SLC22A14: variants seen among roughly 807,000 people sequenced by gnomAD.
The protein encoded by SLC22A14 is organic cation transporter-like 4.
A neutral mutation model predicts 53.9 loss-of-function variants in SLC22A14; 50 were observed. That is an observed-to-expected ratio of 0.93 (90% CI 0.74 to 1.17). The LOEUF is 1.17. Among genes scored for constraint, SLC22A14 ranks in the 50% most tolerant of loss-of-function variants. The pLI, the probability that SLC22A14 is intolerant of heterozygous loss-of-function variation, is 0.00. For missense variants in SLC22A14, 671 were observed against 734.7 expected, an observed-to-expected ratio of 0.91 and a Z score of 1.00; for synonymous variants, 312 against 303.0, an observed-to-expected ratio of 1.03 and a Z score of -0.31.
intron 1 of SLC22A14, among the ~76,000 whole-genome samples, chr3:38,295,802 G>C (rs1296384104): frequency 4.1e-5 from 6 of 147,286 alleles, no homozygotes; most frequent in African/African-American, 1.3e-4. Context: ...CTCTCTGTCT[G>C]TCTCTCTCTC....
rs1411102032 is a variant in SLC22A14 at position 38,307,466 on chromosome 3, A to C, written c.621-100A>C. The C allele has an allele frequency of 1.7e-5, 26 of 1,556,994 alleles. No homozygotes were observed. The South Asian group carries it at 2.5e-4, about 15-fold the overall frequency. On this transcript the variant is annotated intron_variant, in intron 3 of 10. Transcript: ENST00000448498. The surrounding 1 kb of genome is among the most constrained non-coding windows in gnomAD (Gnocchi z 4.4). ...AGGGAGGTGAGGGTAGGGGTTCTCC[A>C]GGGACCCATGGATGGCTCAGGGCCT... is the stretch of plus-strand genomic sequence containing the variant.
Position 38,308,983 on chromosome 3 carries a change from G to T in SLC22A14, c.805G>T (p.Ala269Ser). Residue 269 changes from alanine (A) to serine (S), a missense_variant, in exon 5 of 11, where the codon GCC becomes TCC. Ala to Ser is a moderately conservative substitution (Grantham distance 99). Coordinates refer to ENST00000448498, the MANE Select transcript of SLC22A14 (RefSeq NM_001320033.2). ...TGAGTGGTTAGTGGGTGAGCACCGGGCCCATGCCATTATCCTGGGACACTG... is the reference window on the plus strand; with the variant it reads ...TGAGTGGTTAGTGGGTGAGCACCGGTCCCATGCCATTATCCTGGGACACTG... The part of the protein sequence containing the change: ...ATEWLVGEHR[A>S]HAIILGHCFF... 2 of 1,614,118 alleles carry T rather than the reference G, an allele frequency of 1.2e-6. No individual in the cohort carries two copies. Among genetic ancestry groups the T allele is most frequent in the East Asian group, 4.5e-5 (2 of 44,886 alleles).
At chr3:38,280,429 A>C (rs1222307091), upstream of SLC22A14, among the ~76,000 whole-genome samples, 1 of 152,222 alleles carries the variant, frequency 6.6e-6, no homozygotes, top group East Asian at 1.9e-4. Context: ...CTCAACCTGT[A>C]ACCAAGGGAA....
chr3:38,300,988 G>GT (rs1347752867), intron 1 of SLC22A14, among the ~76,000 whole-genome samples: 2 of 152,098 alleles, frequency 1.3e-5, no homozygotes, highest in South Asian at 4.2e-4. Context: ...TTTTTTGTTT[G>GT]TTTTTTTAGA....
At chr3:38,304,443 G>A (rs542029144) in intron 1 of SLC22A14, among the ~76,000 whole-genome samples, 2 of 151,944 alleles carry the variant, frequency 1.3e-5, no homozygotes, top group Non-Finnish European at 2.9e-5. Flanking sequence ...GCTGGAGTGC[G>A]GTGGCGTGAT....
chr3:38,309,383 G>A (rs1243311724), intron 5 of SLC22A14, among the ~76,000 whole-genome samples: 1 of 152,126 alleles, frequency 6.6e-6, no homozygotes, highest in African/African-American at 2.4e-5. Flanking sequence ...AAGGCCAAGG[G>A]GTTAAGGCCA....
chr3:38,302,836 T>C (rs995913499), intron 1 of SLC22A14, among the ~76,000 whole-genome samples: 14 of 152,330 alleles, frequency 9.2e-5, no homozygotes, highest in Admixed American at 5.9e-4. Context: ...TTTGGGAGTA[T>C]ATATGTTTGC....
intron 5 of SLC22A14, among the ~76,000 whole-genome samples, chr3:38,312,268 G>A (rs1163916603): frequency 2.0e-5 from 3 of 152,072 alleles, no homozygotes; most frequent in African/African-American, 7.2e-5. Flanking sequence ...CTTGAGCCTG[G>A]GAGTAAAATG....
chr3:38,305,853 G>A, intron 1 of SLC22A14, 174 bp from the exon 2 acceptor site: 1 of 655,052 alleles, frequency 1.5e-6, no homozygotes, highest in Non-Finnish European at 2.7e-6. Context: ...GGGCCAGGGG[G>A]GAATAAATCA....
intron 1 of SLC22A14, among the ~76,000 whole-genome samples, chr3:38,304,190 C>CAA (rs71245390): frequency 3.6e-4 from 44 of 121,646 alleles, no homozygotes; most frequent in Middle Eastern, 4.9e-3. Context: ...GACTCTGTCT[C>CAA]AAAAAAAAAA....
At chr3:38,315,386 A>G (rs1704591601) in intron 8 of SLC22A14, among the ~76,000 whole-genome samples, 172 bp from the exon 9 acceptor site, 1 of 152,374 alleles carries the variant, frequency 6.6e-6, no homozygotes, top group East Asian at 1.9e-4. Flanking sequence ...CTAACTCTGC[A>G]CTGCAAATGT....
At chr3:38,283,068 C>T (rs1315585758) in intron 1 of SLC22A14, among the ~76,000 whole-genome samples, 2 of 152,156 alleles carry the variant, frequency 1.3e-5, no homozygotes, top group Non-Finnish European at 2.9e-5. Flanking sequence ...CTTGCCTTTT[C>T]CAGCTTCTAG....
In SLC22A14 at chr3:38,316,592, G is replaced by A. The variant is rs186929017; in HGVS notation, c.1733+68G>A. ...GCTCTGAAGCCTTGGCACAGAGAGCGTGCGGGACATTGTCCATCCCCGCCC... is the reference window on the plus strand; with the variant it reads ...GCTCTGAAGCCTTGGCACAGAGAGCATGCGGGACATTGTCCATCCCCGCCC... On this transcript the variant is annotated intron_variant, in intron 10 of 10. Coordinates refer to ENST00000448498, the MANE Select transcript of SLC22A14 (RefSeq NM_001320033.2). 208 of 1,413,190 alleles carry A rather than the reference G, an allele frequency of 1.5e-4. 1 individual carries two copies. The East Asian group carries it at 4.2e-3, about 29-fold the overall frequency. The allele number at this position is 1,413,190 out of a possible 1,614,324, so 87.5% of individuals were successfully genotyped here. A position where few individuals can be genotyped will look rare whatever the true frequency, so the allele number is the denominator to read the frequency against.
intron 1 of SLC22A14, among the ~76,000 whole-genome samples, chr3:38,284,124 G>A (rs190333185): frequency 2.1e-3 from 325 of 152,286 alleles, no homozygotes; most frequent in Middle Eastern, 0.02. Context: ...AACAGCAGTC[G>A]CAGTCTGAGA....
intron 10 of SLC22A14, among the ~76,000 whole-genome samples, chr3:38,316,991 G>T (rs954718515): frequency 5.9e-5 from 9 of 152,216 alleles, no homozygotes. Flanking sequence ...AGCAGCCCAG[G>T]ACCCCATTTG....
chr3:38,282,478 C>T (rs1272656678), intron 1 of SLC22A14, 139 bp downstream of exon 1: 1 of 152,532 alleles, frequency 6.6e-6, no homozygotes. Flanking sequence ...CTGCCTGGGC[C>T]TGTTTGGCTG....
intron 5 of SLC22A14, among the ~76,000 whole-genome samples, chr3:38,310,282 G>A (rs1346786366): frequency 6.6e-6 from 1 of 152,180 alleles, no homozygotes; most frequent in East Asian, 1.9e-4. Flanking sequence ...GGAGGCTGAG[G>A]TGGGAGGATC....
At chr3:38,296,609 C>T (rs186960472) in intron 1 of SLC22A14, among the ~76,000 whole-genome samples, 9 of 152,260 alleles carry the variant, frequency 5.9e-5, no homozygotes, top group South Asian at 4.2e-4. Context: ...AAGATGGTGG[C>T]GGGCTGCTTC....
intron 1 of SLC22A14, among the ~76,000 whole-genome samples, chr3:38,296,083 A>G (rs1704030480): frequency 6.6e-6 from 1 of 152,242 alleles, no homozygotes; most frequent in Admixed American, 6.5e-5. Context: ...CGGAGGAAGT[A>G]GATTCAGAGG....
Sources: gnomAD v4.1 joint callset for allele counts (sites outside exome capture counted in the v4.1 genomes callset) on GRCh38, gnomAD v4.1.1 for gene constraint, Gnocchi (gnomAD v3.1) non-coding constraint, MANE v1.5 for transcripts, NCBI Gene and HGNC (gene_info 2026-07-23, HGNC 2026-07-21) for gene names.